Variants in TMEM74 observed in about 807,000 individuals in gnomAD.
The protein encoded by TMEM74 is transmembrane protein 74.
A neutral mutation model predicts 18.1 loss-of-function variants in TMEM74; 13 were observed. The observed-to-expected ratio is 0.72, with a 90% CI of 0.47 to 1.14. TMEM74 has a LOEUF of 1.14. Among genes scored for constraint, TMEM74 ranks in the 50% most tolerant of loss-of-function variants. The pLI, the probability that TMEM74 is intolerant of heterozygous loss-of-function variation, is 0.00. For synonymous variants in TMEM74, 159 were observed against 146.6 expected (o/e 1.08, Z -0.61); for missense variants, 372 against 375.9 (o/e 0.99, Z 0.09).
At chr8:108,756,485 A>G (rs1042714656) in intron 1 of TMEM74, among the ~76,000 whole-genome samples, 6 of 149,352 alleles carry the variant, frequency 4.0e-5, no homozygotes, top group African/African-American at 1.5e-4. Context: ...CAACCTGTTC[A>G]CTCCTTTATA....
At chr8:108,743,754 C>T (rs1813823637) in intron 1 of TMEM74, among the ~76,000 whole-genome samples, 1 of 152,092 alleles carries the variant, frequency 6.6e-6, no homozygotes, top group Non-Finnish European at 1.5e-5. Flanking sequence ...TAGGCTCAGC[C>T]AGCTCAGTTT....
chr8:108,732,613 C>G (rs1813707581), intron 1 of TMEM74, among the ~76,000 whole-genome samples: 1 of 151,850 alleles, frequency 6.6e-6, no homozygotes, highest in South Asian at 2.1e-4. Context: ...ACAGAGTCAT[C>G]AAAGCAATTC....
intron 1 of TMEM74, among the ~76,000 whole-genome samples, chr8:108,726,073 C>T (rs1008121970): frequency 1.3e-4 from 20 of 152,066 alleles, no homozygotes; most frequent in Non-Finnish European, 2.6e-4. Flanking sequence ...ACATTTCGGG[C>T]CATATTGATT....
rs76487946 is a variant in TMEM74 at position 108,754,728 on chromosome 8, T to C, written n.119+32748A>G. Among the ~76,000 whole-genome samples the C allele has an allele frequency of 6.7e-3, 1,014 of 151,774 alleles. 8 individuals carry two copies. Among genetic ancestry groups the C allele is most frequent in the African/African-American group, 0.023 (964 of 41,416 alleles). ...AGATTTATTATGAGAAATTTGCTCATGTGTTATGGAGGCTAAGTTCCACAA... is the reference window on the plus strand; with the variant it reads ...AGATTTATTATGAGAAATTTGCTCACGTGTTATGGAGGCTAAGTTCCACAA... On this transcript the variant is annotated intron_variant and non_coding_transcript_variant, in intron 1 of 3. Transcript: ENST00000518838.
chr8:108,706,350 GAC>G (rs1339623546), intron 1 of TMEM74, among the ~76,000 whole-genome samples: 1 of 152,088 alleles, frequency 6.6e-6, no homozygotes, highest in Non-Finnish European at 1.5e-5. Flanking sequence ...TTATACCTAT[GAC>G]ACACACTCAA....
At chr8:108,722,739 T>TG (rs1159474835) in intron 1 of TMEM74, among the ~76,000 whole-genome samples, 3 of 148,660 alleles carry the variant, frequency 2.0e-5, no homozygotes, top group Admixed American at 6.6e-5. Context: ...CCCACTAAGC[T>TG]GTATTTTTTT....
At chr8:108,672,862 A>T (rs904732670) in intron 1 of TMEM74, among the ~76,000 whole-genome samples, 6 of 152,212 alleles carry the variant, frequency 3.9e-5, no homozygotes, top group African/African-American at 1.4e-4. Context: ...CACTCAGGAC[A>T]AGATCATAAA....
At chr8:108,774,208 C>T (rs12114718), downstream of TMEM74, among the ~76,000 whole-genome samples, 7,846 of 152,198 alleles carry the variant, frequency 0.052, 270 homozygotes, top group East Asian at 0.13. Flanking sequence ...CTGTTCAAAC[C>T]CATTTCTTCT....
intron 1 of TMEM74, among the ~76,000 whole-genome samples, chr8:108,723,309 T>C (rs72673064): frequency 0.025 from 3,831 of 152,334 alleles, 83 homozygotes; most frequent in Middle Eastern, 0.099. Context: ...TTAACAATAA[T>C]TTCAATTATT....
At chr8:108,752,430 G>T (rs1240398478) in intron 1 of TMEM74, among the ~76,000 whole-genome samples, 1 of 152,118 alleles carries the variant, frequency 6.6e-6, no homozygotes, top group African/African-American at 2.4e-5. Flanking sequence ...GGAAAGGACA[G>T]AAAATTATAA....
At chr8:108,749,010 G>A (rs572934110) in intron 1 of TMEM74, among the ~76,000 whole-genome samples, 2 of 152,050 alleles carry the variant, frequency 1.3e-5, no homozygotes, top group Admixed American at 6.6e-5. Flanking sequence ...AGAATATAGC[G>A]AAAATACAGA....
At chr8:108,702,612 T>C (rs1051055828) in intron 1 of TMEM74, among the ~76,000 whole-genome samples, 1 of 152,000 alleles carries the variant, frequency 6.6e-6, no homozygotes, top group Non-Finnish European at 1.5e-5. Flanking sequence ...AGAAATTTTT[T>C]TTATTTTACT....
intron 1 of TMEM74, among the ~76,000 whole-genome samples, chr8:108,675,860 A>G (rs550444517): frequency 3.9e-5 from 6 of 152,238 alleles, no homozygotes; most frequent in Non-Finnish European, 8.8e-5. Flanking sequence ...ACTTATTTGG[A>G]AATAGGCAGG....
chr8:108,719,005 C>T (rs199569598), intron 1 of TMEM74, among the ~76,000 whole-genome samples: 3 of 140,126 alleles, frequency 2.1e-5, no homozygotes, highest in Non-Finnish European at 3.2e-5. Context: ...TATATATACA[C>T]ATATATATAT....
intron 1 of TMEM74, among the ~76,000 whole-genome samples, chr8:108,751,515 T>A (rs1482305998): frequency 1.3e-5 from 2 of 152,032 alleles, no homozygotes; most frequent in Admixed American, 6.6e-5. Flanking sequence ...CTAGATACTA[T>A]AAAAGAATCC....
intron 2 of TMEM74, among the ~76,000 whole-genome samples, chr8:108,648,192 G>C: frequency 6.6e-6 from 1 of 152,070 alleles, no homozygotes; most frequent in Non-Finnish European, 1.5e-5. Flanking sequence ...TACCTGTTGA[G>C]TCTGGGGTGG....
chr8:108,690,385 GT>G (rs36109216), intron 1 of TMEM74, among the ~76,000 whole-genome samples: 33,506 of 149,332 alleles, frequency 0.22, 3,758 homozygotes, highest in East Asian at 0.29. Context: ...GTTTTTTTTT[GT>G]TTGTTTTTTT....
chr8:108,639,618 G>C (rs1361545929), intron 2 of TMEM74, among the ~76,000 whole-genome samples: 1 of 152,054 alleles, frequency 6.6e-6, no homozygotes, highest in Non-Finnish European at 1.5e-5. Context: ...TCCACCTTTT[G>C]GGTGGGATAA....
chr8:108,710,959 C>A (rs912234745), intron 1 of TMEM74, among the ~76,000 whole-genome samples: 1 of 152,194 alleles, frequency 6.6e-6, no homozygotes, highest in African/African-American at 2.4e-5. Flanking sequence ...TATATGCCTG[C>A]GCTCTAAAAT....
Sources: allele counts gnomAD v4.1 joint callset (sites outside exome capture counted in the v4.1 genomes callset), GRCh38; gene constraint gnomAD v4.1.1; transcripts MANE v1.5; gene names NCBI Gene and HGNC (gene_info 2026-07-23, HGNC 2026-07-21).